TTN: variants seen among roughly 807,000 people sequenced by gnomAD.
TTN encodes connectin.
TTN carries 1,525 observed loss-of-function variants against 3,223.0 expected under a neutral mutation model. The ratio of observed to expected loss-of-function variants is 0.47; its 90% confidence interval spans 0.45 to 0.49. The LOEUF is 0.49. Among genes scored for constraint, TTN ranks in the 20% least tolerant of loss-of-function variants. TTN has a pLI of 0.00. For synonymous variants in TTN, 14,094 were observed against 15,161.0 expected (o/e 0.93, Z 5.17); for missense variants, 40,786 against 43,424.0 (o/e 0.94, Z 5.40).
rs1461887959 is a variant in TTN, at chr2:178,551,280, G to T, written c.91271-20C>A. 16 of 1,596,268 alleles carry T rather than the reference G, an allele frequency of 1.0e-5. No individual in the cohort carries two copies. The highest frequency in any genetic ancestry group is 1.3e-5 in the Non-Finnish European group (15 of 1,173,662). On this transcript the variant is annotated intron_variant, in intron 335 of 362. Coordinates refer to ENST00000589042, the MANE Select transcript of TTN (RefSeq NM_001267550.2). ...GTGGGTCTAAAAAATTATAAGGAAG[G>T]TAAATGCATCATTACATTTGTAACC...
intron 240 of TTN, among the ~76,000 whole-genome samples, chr2:178,625,868 C>G (rs2058964794): frequency 6.6e-6 from 1 of 151,938 alleles, no homozygotes; most frequent in Non-Finnish European, 1.5e-5. Context: ...TGGGATCTTT[C>G]AAGAAAATTT....
Position 178,560,125 on chromosome 2 carries a change from A to G in TTN, c.86007T>C (p.Thr28669=). ...KIVDSGKTTI[T]IAWVKPLFDG... is the part of the protein sequence containing the mutation. ...CAAACAGCGGCTTAACCCAGGCAAT[A>G]GTTATAGTTGTCTTGCCTGAGTCCA... The change falls in exon 326 of 363, where the codon ACT becomes ACC. Residue 28669 remains threonine, a synonymous_variant. Coordinates refer to ENST00000589042, the MANE Select transcript of TTN (RefSeq NM_001267550.2). 6.2e-7 allele frequency: 1 copy of G among 1,613,672 alleles called. No individual in the cohort carries two copies. The highest frequency in any genetic ancestry group is 8.5e-7 in the Non-Finnish European group (1 of 1,179,752).
At chr2:178,648,293 C>T (rs547053750) in intron 213 of TTN, among the ~76,000 whole-genome samples, 29 of 152,240 alleles carry the variant, frequency 1.9e-4, no homozygotes, top group African/African-American at 6.5e-4. Flanking sequence ...AATCCATACT[C>T]AAATTGAGTT....
intron 223 of TTN, among the ~76,000 whole-genome samples, chr2:178,637,639 C>T (rs953498644): frequency 6.6e-6 from 1 of 152,058 alleles, no homozygotes; most frequent in African/African-American, 2.4e-5. Context: ...GGATTAACAA[C>T]TTCTTTCAGC....
rs1458211413 is a variant in TTN, at chr2:178,526,827, T to C, written c.*185A>G. The stretch of plus-strand genomic sequence containing the variant: ...ACAGTATGTACATGTCACTAGCAAA[T>C]GTATTATATTCTTAGGTCAACAATT... On this transcript the variant is annotated 3_prime_UTR_variant, in exon 363 of 363. Transcript: ENST00000589042. 4 of 547,440 alleles carry C rather than the reference T, an allele frequency of 7.3e-6. No homozygotes were observed. The allele number at this position is 547,440 out of a possible 1,614,324, so 33.9% of individuals were successfully genotyped here.
At chr2:178,711,464 T>C in intron 96 of TTN, 115 bp from the exon 97 acceptor site, 1 of 1,180,234 alleles carries the variant, frequency 8.5e-7, no homozygotes, top group Non-Finnish European at 1.2e-6. Flanking sequence ...CAGGAATTAT[T>C]AATGTCTCTT....
Position 178,718,875 on chromosome 2 carries a change from C to T in TTN, c.24325G>A (p.Val8109Ile), listed in dbSNP as rs2077903400. 2 of 1,613,496 alleles carry T rather than the reference C, an allele frequency of 1.2e-6. No homozygotes were observed. The highest frequency in any genetic ancestry group is 2.7e-5 in the African/African-American group (2 of 74,878). ...SVIRGTPPFK[V>I]KWFKGSRELV... ...TCCCTGCTGCCTTTAAACCACTTGA[C>T]CTTGAAAGGAGGGGTGCCTCTGATG... Residue 8109 changes from valine to isoleucine, a missense_variant, in exon 84 of 363, where the codon GTC (valine) becomes ATC (isoleucine). By Grantham distance (29) the Val-to-Ile change is conservative. Coordinates refer to ENST00000589042, the MANE Select transcript of TTN (RefSeq NM_001267550.2).
At chr2:178,682,291 C>T (rs544644789) in intron 135 of TTN, among the ~76,000 whole-genome samples, 10 of 151,960 alleles carry the variant, frequency 6.6e-5, no homozygotes, top group Admixed American at 2.0e-4. Context: ...AATACATTTT[C>T]TCAATAGCCT....
Position 178,710,661 on chromosome 2 carries a change from G to C in TTN, c.28436C>G (p.Ser9479Cys). ...CYAVNEVGKDSCTAQLNIKER... is the reference protein window; with the variant it reads ...CYAVNEVGKDCCTAQLNIKER... ...TTTTATATTCAGCTGAGCTGTGCAA[G>C]AGTCTTTTCCCACTTCATTCACAGC... The change falls in exon 98 of 363, where the codon TCT becomes TGT. Residue 9479 changes from serine (S) to cysteine (C), a missense_variant. Transcript: ENST00000589042. The C allele has an allele frequency of 6.2e-7, 1 of 1,612,512 alleles. No individual in the cohort carries two copies. Among genetic ancestry groups the C allele is most frequent in the Non-Finnish European group, 8.5e-7 (1 of 1,179,520 alleles).
chr2:178,790,746 T>C lies in TTN; in HGVS notation c.1762A>G (p.Thr588Ala). The C allele has an allele frequency of 6.2e-7, 1 of 1,614,154 alleles. No individual in the cohort carries two copies. Among genetic ancestry groups the C allele is most frequent in the African/African-American group, 1.3e-5 (1 of 75,040 alleles). Residue 588 changes from threonine (T) to alanine (A), a missense_variant, in exon 11 of 363, where the codon ACC becomes GCC. By Grantham distance (58) the Thr-to-Ala change is moderately conservative. Transcript: ENST00000589042. The part of the protein sequence containing the change: ...ETVPGAQEET[T>A]TQQDQMHLSY... ...AGGTGCATTTGATCTTGTTGTGTGGTAGTTTCTTCTTGAGCTCCCGGGACT... is the reference window on the plus strand; with the variant it reads ...AGGTGCATTTGATCTTGTTGTGTGGCAGTTTCTTCTTGAGCTCCCGGGACT...
chr2:178,563,258 C>T lies in TTN; in HGVS notation c.82874G>A (p.Gly27625Glu). 6.2e-7 allele frequency: 1 copy of T among 1,613,676 alleles called. No homozygotes were observed. Among genetic ancestry groups the T allele is most frequent in the South Asian group, 1.1e-5 (1 of 91,066 alleles). ...CACTGTGAACTGCTTTCCTTGTAAT[C>T]CTGTTGGTGGAGTGCAGGTTGTCCA... ...DEWTTCTPPT[G>E]LQGKQFTVTK... The change falls in exon 326 of 363, where the codon GGA becomes GAA. Residue 27625 changes from glycine (G) to glutamate (E), a missense_variant. Transcript: ENST00000589042. This position sits in a 1 kb window ranked among gnomAD's most constrained non-coding sequence, Gnocchi z 4.5.
In TTN at chr2:178,770,226, T is replaced by C; in HGVS notation, c.8475A>G (p.Val2825=). 6.2e-7 allele frequency: 1 copy of C among 1,614,178 alleles called. No homozygotes were observed. Among genetic ancestry groups the C allele is most frequent in the Non-Finnish European group, 8.5e-7 (1 of 1,180,014 alleles). Reference sequence around the variant, plus strand: ...TTTCCACACTCTTATGGAACCATTTTACTGGAACAGTGTCATGGGAAACAC... The same window carrying C: ...TTTCCACACTCTTATGGAACCATTTCACTGGAACAGTGTCATGGGAAACAC... ...EVSVSHDTVP[V]KWFHKSVEIK... is the part of the protein sequence containing the mutation. Residue 2825 remains valine, a synonymous_variant, in exon 36 of 363, where the codon GTA becomes GTG. Coordinates refer to ENST00000589042, the MANE Select transcript of TTN (RefSeq NM_001267550.2).
At position 178,776,570 on chromosome 2, in the gene TTN, C is replaced by G; in HGVS notation, c.5294G>C (p.Gly1765Ala). Residue 1765 changes from glycine to alanine, a missense_variant, in exon 28 of 363, where the codon GGC (glycine) becomes GCC (alanine). Coordinates refer to ENST00000589042, the MANE Select transcript of TTN (RefSeq NM_001267550.2). ...ACCACTGTCTCTAGAATATGCAACG[C>G]CATAATCAAGGCTGCAGTACCCAAA... ...NEFGYCSLDY[G>A]VAYSRDSGII... The G allele has an allele frequency of 6.2e-7, 1 of 1,613,416 alleles. No individual in the cohort carries two copies. The highest frequency in any genetic ancestry group is 1.7e-5 in the Admixed American group (1 of 60,006).
At chr2:178,784,044 G>A in intron 16 of TTN, 26 bp downstream of exon 16, 1 of 1,611,832 alleles carries the variant, frequency 6.2e-7, no homozygotes, top group Non-Finnish European at 8.5e-7. Flanking sequence ...AGTGGACCAT[G>A]TAACAGCGGG....
chr2:178,534,331 T>G lies in TTN; in HGVS notation c.102284A>C (p.His34095Pro), dbSNP rs1437743604. 2.5e-6 allele frequency: 4 copies of G among 1,613,100 alleles called. No homozygotes were observed. The African/African-American group carries it at 5.3e-5, about 22-fold the overall frequency. ...IRTLKHRRYY[H>P]TLIKKDLNMV... ...GTTGAGGTCTTTCTTGATCAGGGTG[T>G]GGTAATAACGCCGGTGTTTTAATGT... is the stretch of plus-strand genomic sequence containing the variant. Residue 34095 changes from histidine to proline, a missense_variant, in exon 358 of 363, where the codon CAC (histidine) becomes CCC (proline). Physicochemically the swap from His to Pro is moderately conservative, Grantham distance 77. Coordinates refer to ENST00000589042, the MANE Select transcript of TTN (RefSeq NM_001267550.2).
chr2:178,626,329 A>G (rs2059048264), intron 240 of TTN, among the ~76,000 whole-genome samples: 1 of 152,026 alleles, frequency 6.6e-6, no homozygotes, highest in Non-Finnish European at 1.5e-5. Context: ...TCTAAGCATC[A>G]GGAATGGGAA....
rs760890661 is a variant in TTN at position 178,573,465 on chromosome 2, G to A, written c.72667C>T (p.Pro24223Ser). ...PVLAVNPYGPPDPPKNPEVTT... is the reference protein window; with the variant it reads ...PVLAVNPYGPSDPPKNPEVTT... ...ACTTCAGGGTTTTTGGGCGGATCAG[G>A]GGGTCCATAAGGATTCACTGCAAGC... The change falls in exon 326 of 363, where the codon CCT (proline) becomes TCT (serine). Residue 24223 changes from proline (P) to serine (S), a missense_variant. Coordinates refer to ENST00000589042, the MANE Select transcript of TTN (RefSeq NM_001267550.2). 2.6e-6 allele frequency: 4 copies of A among 1,514,178 alleles called. No homozygotes were observed. Among genetic ancestry groups the A allele is most frequent in the Non-Finnish European group, 3.5e-6 (4 of 1,135,226 alleles). 93.8% of individuals were successfully genotyped at this position (1,514,178 alleles called of 1,614,324 possible). A position where few individuals can be genotyped will look rare whatever the true frequency, so the allele number is the denominator to read the frequency against.
Position 178,782,366 on chromosome 2 carries a change from G to T in TTN, c.3226C>A (p.Pro1076Thr), listed in dbSNP as rs1574761815. The stretch of plus-strand genomic sequence containing the variant: ...AAGTAAGGCGCGGCAGGTTCTCCAG[G>T]CCCTGCTTGTTCCTCTGTGAGGCTA... Reference protein sequence around the residue: ...DTSLTEEQAGPGEPAAPYFIT... With the variant: ...DTSLTEEQAGTGEPAAPYFIT... Residue 1076 changes from proline (P) to threonine (T), a missense_variant, in exon 20 of 363, where the codon CCT becomes ACT. By Grantham distance (38) the Pro-to-Thr change is conservative. Coordinates refer to ENST00000589042, the MANE Select transcript of TTN (RefSeq NM_001267550.2). 1.2e-6 allele frequency: 2 copies of T among 1,613,908 alleles called. No homozygotes were observed. The highest frequency in any genetic ancestry group is 4.5e-5 in the East Asian group (2 of 44,866).
intron 4 of TTN, 62 bp from the exon 5 acceptor site, chr2:178,799,972 C>A (rs2093979330): frequency 5.8e-6 from 9 of 1,541,184 alleles, no homozygotes; most frequent in Non-Finnish European, 8.1e-6. Context: ...AAAAGAGATT[C>A]TGTTAATTCT....
Sources: allele counts gnomAD v4.1 joint callset (sites outside exome capture counted in the v4.1 genomes callset), GRCh38; gene constraint gnomAD v4.1.1; non-coding constraint Gnocchi (gnomAD v3.1); transcripts MANE v1.5; gene names NCBI Gene and HGNC (gene_info 2026-07-23, HGNC 2026-07-21).